Variants in AGBL1 observed in about 807,000 individuals in gnomAD.
AGBL1 encodes AGBL carboxypeptidase 1.
A neutral mutation model predicts 118.9 loss-of-function variants in AGBL1; 130 were observed. The ratio of observed to expected loss-of-function variants is 1.09; its 90% CI spans 0.95 to 1.26. AGBL1 has a LOEUF of 1.26. AGBL1 is among the 50% of genes most tolerant of loss of function. The pLI, the probability that AGBL1 is intolerant of heterozygous loss-of-function variation, is 0.00. For missense variants in AGBL1, 1,584 were observed against 1,298.1 expected, an observed-to-expected ratio of 1.22 and a Z score of -3.38; for synonymous variants, 555 against 478.9, an observed-to-expected ratio of 1.16 and a Z score of -2.08.
At chr15:86,766,727 GAC>G (rs1363412580) in intron 22 of AGBL1, among the ~76,000 whole-genome samples, 8 of 151,842 alleles carry the variant, frequency 5.3e-5, no homozygotes, top group Non-Finnish European at 1.0e-4. Context: ...CTGTCAAAAA[GAC>G]ACAGTTCTAA....
chr15:86,541,430 A>C (rs2083492459), intron 19 of AGBL1, among the ~76,000 whole-genome samples: 1 of 152,082 alleles, frequency 6.6e-6, no homozygotes, highest in Admixed American at 6.5e-5. Context: ...TCTCTACAAA[A>C]GTATTTTAAA....
At chr15:86,499,161 T>C (rs575689063) in intron 18 of AGBL1, among the ~76,000 whole-genome samples, 1 of 152,004 alleles carries the variant, frequency 6.6e-6, no homozygotes, top group Non-Finnish European at 1.5e-5. Flanking sequence ...AGAAACAAAG[T>C]TCTTATTTAG....
At chr15:86,220,340 A>G in intron 5 of AGBL1, among the ~76,000 whole-genome samples, 1 of 152,202 alleles carries the variant, frequency 6.6e-6, no homozygotes, top group South Asian at 2.1e-4. Context: ...CAAGACTAAT[A>G]ATTTCACCCT....
chr15:86,826,562 G>A (rs2079014875), intron 22 of AGBL1, among the ~76,000 whole-genome samples: 2 of 152,114 alleles, frequency 1.3e-5, no homozygotes, highest in South Asian at 4.1e-4. Flanking sequence ...GTTAGATATA[G>A]ATTTCTGGGT....
At chr15:86,696,263 A>G (rs1198541126) in intron 22 of AGBL1, among the ~76,000 whole-genome samples, 3 of 151,940 alleles carry the variant, frequency 2.0e-5, no homozygotes, top group African/African-American at 7.2e-5. Context: ...TGGGAGCTCC[A>G]GTGTTAGATG....
At chr15:86,924,970 T>C (rs1164499523) in intron 23 of AGBL1, among the ~76,000 whole-genome samples, 1 of 151,408 alleles carries the variant, frequency 6.6e-6, no homozygotes, top group Non-Finnish European at 1.5e-5. Flanking sequence ...GGCATGGTGG[T>C]GGGCACCTGT....
chr15:86,604,191 A>G (rs2142376213), intron 21 of AGBL1, among the ~76,000 whole-genome samples: 1 of 152,270 alleles, frequency 6.6e-6, no homozygotes, highest in East Asian at 1.9e-4. Flanking sequence ...TCAACAAACA[A>G]GCAAAGAAAT....
intron 22 of AGBL1, among the ~76,000 whole-genome samples, chr15:86,677,541 C>T (rs935692301): frequency 6.6e-6 from 1 of 152,166 alleles, no homozygotes; most frequent in African/African-American, 2.4e-5. Context: ...GCCGAGTCAG[C>T]CACTGTTCGT....
intron 21 of AGBL1, among the ~76,000 whole-genome samples, chr15:86,616,819 A>G (rs1213556024): frequency 6.6e-6 from 1 of 152,222 alleles, no homozygotes; most frequent in Non-Finnish European, 1.5e-5. Context: ...ATACTTCAAT[A>G]AAGTTGACTC....
intron 20 of AGBL1, among the ~76,000 whole-genome samples, chr15:86,552,187 C>T (rs1449069772): frequency 2.0e-5 from 3 of 152,150 alleles, no homozygotes; most frequent in African/African-American, 7.2e-5. Flanking sequence ...ACAAACCTAC[C>T]ACTCTGGTGA....
intron 18 of AGBL1, among the ~76,000 whole-genome samples, chr15:86,409,692 C>A (rs1014888454): frequency 2.0e-5 from 3 of 152,142 alleles, no homozygotes; most frequent in Non-Finnish European, 4.4e-5. Flanking sequence ...GGGTTTCCCC[C>A]CCTCACTTCC....
chr15:86,610,184 T>G (rs1241443088), intron 21 of AGBL1, among the ~76,000 whole-genome samples: 1 of 152,222 alleles, frequency 6.6e-6, no homozygotes, highest in Non-Finnish European at 1.5e-5. Context: ...GATAGTCATT[T>G]CGTCTCTTTT....
intron 1 of AGBL1, among the ~76,000 whole-genome samples, chr15:86,096,164 C>G (rs1402945831): frequency 2.0e-5 from 3 of 152,006 alleles, no homozygotes; most frequent in African/African-American, 7.2e-5. Context: ...ATAGCAGTAG[C>G]ACTTAGCACA....
chr15:86,188,851 A>G (rs2077672902), intron 5 of AGBL1, among the ~76,000 whole-genome samples: 2 of 152,214 alleles, frequency 1.3e-5, no homozygotes, highest in African/African-American at 4.8e-5. Flanking sequence ...ATCTCTTGTA[A>G]TTTGGAAATA....
At chr15:86,339,338 T>A (rs2141878634) in intron 17 of AGBL1, among the ~76,000 whole-genome samples, 1 of 152,344 alleles carries the variant, frequency 6.6e-6, no homozygotes, top group Admixed American at 6.5e-5. Flanking sequence ...TTTGAGCTTA[T>A]CCTATTTGGT....
intron 21 of AGBL1, among the ~76,000 whole-genome samples, chr15:86,597,477 C>G (rs962861540): frequency 6.6e-6 from 1 of 152,144 alleles, no homozygotes; most frequent in East Asian, 1.9e-4. Context: ...CTGCCCTTTC[C>G]CTTCATCACC....
intron 18 of AGBL1, among the ~76,000 whole-genome samples, chr15:86,489,485 C>T (rs1303440018): frequency 6.6e-6 from 1 of 152,050 alleles, no homozygotes; most frequent in Non-Finnish European, 1.5e-5. Context: ...TATAAATAAG[C>T]AACTAATTTA....
chr15:86,552,330 A>G (rs934234747), intron 20 of AGBL1, among the ~76,000 whole-genome samples: 1 of 151,874 alleles, frequency 6.6e-6, no homozygotes, highest in African/African-American at 2.4e-5. Flanking sequence ...TTTTTTAAAA[A>G]AGAGAGAGAT....
intron 1 of AGBL1, among the ~76,000 whole-genome samples, chr15:86,140,433 T>G (rs1035015063): frequency 2.0e-5 from 3 of 152,136 alleles, no homozygotes; most frequent in Non-Finnish European, 4.4e-5. Flanking sequence ...GAGTTCTTTT[T>G]GGTTCAGTTT....
Sources: allele counts gnomAD v4.1 joint callset (sites outside exome capture counted in the v4.1 genomes callset), GRCh38; gene constraint gnomAD v4.1.1; transcripts MANE v1.5; gene names NCBI Gene and HGNC (gene_info 2026-07-23, HGNC 2026-07-21).